Variants in PPM1D observed in about 807,000 individuals in gnomAD.
The protein encoded by PPM1D is protein phosphatase, Mg2+/Mn2+ dependent 1D, also known as protein phosphatase 1D.
In PPM1D, 52 loss-of-function variants were observed where a neutral mutation model predicts 58.3. That is an observed-to-expected ratio of 0.89 (90% CI 0.71 to 1.12). PPM1D has a LOEUF of 1.12. Among genes scored for constraint, PPM1D ranks in the 50% most tolerant of loss-of-function variants. The pLI is 0.00. For synonymous variants in PPM1D, 278 were observed against 285.1 expected, an observed-to-expected ratio of 0.98 and a Z score of 0.25; for missense variants, 564 against 777.2, an observed-to-expected ratio of 0.73 and a Z score of 3.26.
chr17:60,657,472 T>G (rs149047396), intron 5 of PPM1D, among the ~76,000 whole-genome samples: 1 of 152,332 alleles, frequency 6.6e-6, no homozygotes, highest in Non-Finnish European at 1.5e-5. Flanking sequence ...CAGTATTGAT[T>G]GATAATTGCT....
intron 1 of PPM1D, among the ~76,000 whole-genome samples, chr17:60,616,061 A>G (rs2030577345): frequency 6.6e-6 from 1 of 151,914 alleles, no homozygotes; most frequent in East Asian, 1.9e-4. Flanking sequence ...GCTGAAGTGC[A>G]ATGGCATGAT....
chr17:60,604,803 G>A lies in PPM1D; in HGVS notation c.472+3917G>A, dbSNP rs982739882. 2.0e-5 allele frequency: 3 copies of A among 152,108 alleles called. No homozygotes were observed. In the East Asian group the frequency reaches 5.8e-4, roughly 29 times the overall value. 9.4% of individuals were successfully genotyped at this position (152,108 alleles called of 1,614,324 possible). A position where few individuals can be genotyped will look rare whatever the true frequency, so the allele number is the denominator to read the frequency against. ...AATTAATTTTTATTGTGTCATCAAG[G>A]ATATTCTTTTTTTAATTTTAGTTTT... On this transcript the variant is annotated intron_variant, in intron 1 of 5. Coordinates refer to ENST00000305921, the MANE Select transcript of PPM1D (RefSeq NM_003620.4).
At chr17:60,628,175 T>C (rs879679438) in intron 2 of PPM1D, among the ~76,000 whole-genome samples, 7 of 152,208 alleles carry the variant, frequency 4.6e-5, no homozygotes, top group Non-Finnish European at 5.9e-5. Context: ...TAAAAATCCC[T>C]GCATAATTTA....
At chr17:60,661,368 TGAG>T (rs1467896123) in intron 5 of PPM1D, among the ~76,000 whole-genome samples, 1 of 152,052 alleles carries the variant, frequency 6.6e-6, no homozygotes, top group African/African-American at 2.4e-5. Context: ...AGAGTCCACT[TGAG>T]GAAAATTTTA....
chr17:60,606,550 C>T (rs1183265781), intron 1 of PPM1D, among the ~76,000 whole-genome samples: 1 of 151,926 alleles, frequency 6.6e-6, no homozygotes, highest in East Asian at 1.9e-4. Flanking sequence ...TATTCTAACG[C>T]TTGTTAACTT....
intron 5 of PPM1D, among the ~76,000 whole-genome samples, chr17:60,657,531 AGACT>A (rs1303823339): frequency 6.6e-6 from 1 of 152,216 alleles, no homozygotes; most frequent in Non-Finnish European, 1.5e-5. Context: ...TGTTTTCAGT[AGACT>A]GACCATTAAA....
In PPM1D at chr17:60,638,373, T is replaced by A. The variant is rs201468577; in HGVS notation, c.826+4396T>A. Among the ~76,000 whole-genome samples the A allele has an allele frequency of 3.1e-4, 47 of 149,254 alleles. 1 individual carries two copies. The East Asian group carries it at 8.2e-3, about 26-fold the overall frequency. Reference sequence around the variant, plus strand: ...CCATTATTCTGACACTTGGAAAAATTTTTTTTTTTTTATGAGATGGAATCT... The same window carrying A: ...CCATTATTCTGACACTTGGAAAAATATTTTTTTTTTTATGAGATGGAATCT... On this transcript the variant is annotated intron_variant, in intron 3 of 5. Coordinates refer to ENST00000305921, the MANE Select transcript of PPM1D (RefSeq NM_003620.4).
chr17:60,658,865 G>A (rs1040648679), intron 5 of PPM1D, among the ~76,000 whole-genome samples: 15 of 152,092 alleles, frequency 9.9e-5, no homozygotes, highest in African/African-American at 2.9e-4. Context: ...GGGAGGCAGA[G>A]GCGGGAATCG....
chr17:60,629,304 C>T (rs1231374628), intron 2 of PPM1D, among the ~76,000 whole-genome samples: 6 of 152,112 alleles, frequency 3.9e-5, no homozygotes, highest in Non-Finnish European at 7.4e-5. Context: ...CTATTTATTA[C>T]ATTGGTTTCT....
chr17:60,662,033 G>A (rs537157551), intron 5 of PPM1D, among the ~76,000 whole-genome samples: 17 of 152,064 alleles, frequency 1.1e-4, no homozygotes, highest in African/African-American at 4.1e-4. Context: ...GTCTCACTCC[G>A]TCACCCAGGC....
At chr17:60,610,757 A>C (rs2030437763) in intron 1 of PPM1D, among the ~76,000 whole-genome samples, 1 of 152,218 alleles carries the variant, frequency 6.6e-6, no homozygotes, top group African/African-American at 2.4e-5. Context: ...GGTCTTTCAT[A>C]GAAAAGGTTT....
intron 4 of PPM1D, among the ~76,000 whole-genome samples, chr17:60,655,516 T>A (rs2031421725): frequency 6.6e-6 from 1 of 151,794 alleles, no homozygotes; most frequent in African/African-American, 2.4e-5. Context: ...GCCTGACTAA[T>A]TTTTGTATTT....
chr17:60,645,454 ATATGTGTGTGTG>A (rs1209605818), intron 3 of PPM1D, among the ~76,000 whole-genome samples: 7 of 103,158 alleles, frequency 6.8e-5, no homozygotes, highest in Admixed American at 6.5e-4. Flanking sequence ...TGTAAAATAT[ATATGTGTGTGTG>A]TGTGTGTGTG....
At position 60,637,064 on chromosome 17, in the gene PPM1D, G is replaced by GC. The variant is rs2031037844; in HGVS notation, c.826+3087_826+3088insC. Among the ~76,000 whole-genome samples the GC allele has an allele frequency of 1.3e-5, 2 of 151,340 alleles. 1 individual carries two copies. The highest frequency in any genetic ancestry group is 4.2e-4 in the South Asian group (2 of 4,804). On this transcript the variant is annotated intron_variant, in intron 3 of 5. Coordinates refer to ENST00000305921, the MANE Select transcript of PPM1D (RefSeq NM_003620.4). Reference sequence around the variant, plus strand: ...GCTCACTGCAACCTTCACCTCCTGGGTTCAAGCAATTCTGCTGCCTCAGCC... The same window carrying GC: ...GCTCACTGCAACCTTCACCTCCTGGGCTTCAAGCAATTCTGCTGCCTCAGCC...
chr17:60,632,213 T>C (rs937085186), intron 2 of PPM1D, among the ~76,000 whole-genome samples: 6 of 151,218 alleles, frequency 4.0e-5, no homozygotes, highest in Admixed American at 2.0e-4. Flanking sequence ...AAAAAAAACC[T>C]AATCATATTT....
intron 4 of PPM1D, among the ~76,000 whole-genome samples, chr17:60,652,715 G>GA (rs2031369525): frequency 6.6e-6 from 1 of 152,076 alleles, no homozygotes; most frequent in South Asian, 2.1e-4. Flanking sequence ...ACTGGAGTGA[G>GA]ATGATACCTC....
chr17:60,632,680 C>T (rs985048170), intron 2 of PPM1D, among the ~76,000 whole-genome samples: 7 of 152,118 alleles, frequency 4.6e-5, no homozygotes, highest in African/African-American at 7.2e-5. Context: ...AGTGAGACCC[C>T]GTCTCCTCAA....
intron 3 of PPM1D, among the ~76,000 whole-genome samples, chr17:60,634,327 G>T (rs1194674919): frequency 1.3e-5 from 2 of 152,114 alleles, no homozygotes; most frequent in Non-Finnish European, 2.9e-5. Context: ...CAGGAGAATT[G>T]CTTGAAAGCA....
chr17:60,606,210 A>G (rs1267156496), intron 1 of PPM1D, among the ~76,000 whole-genome samples: 5 of 152,316 alleles, frequency 3.3e-5, no homozygotes, highest in Middle Eastern at 3.4e-3. Context: ...GTTCATTCAT[A>G]TTGTACCATG....
Sources: gnomAD v4.1 joint callset for allele counts (sites outside exome capture counted in the v4.1 genomes callset) on GRCh38, gnomAD v4.1.1 for gene constraint, MANE v1.5 for transcripts, NCBI Gene and HGNC (gene_info 2026-07-23, HGNC 2026-07-21) for gene names.